The following FCHSD2 variants were observed in gnomAD, a reference collection of about 807,000 sequenced individuals.
FCHSD2 encodes the protein F-BAR and double SH3 domains protein 2.
Under a neutral mutation model 108.1 loss-of-function variants are expected in FCHSD2, and 38 were observed. That is an observed-to-expected ratio of 0.35 (90% CI 0.27 to 0.46). FCHSD2 has a LOEUF of 0.46. FCHSD2 is among the 20% of genes least tolerant of loss of function. FCHSD2 has a pLI of 1.00. For synonymous variants in FCHSD2, 279 were observed against 314.7 expected (o/e 0.89, Z 1.20); for missense variants, 751 against 897.8 (o/e 0.84, Z 2.09).
Position 73,007,234 on chromosome 11 carries a change from C to G in FCHSD2, c.243-6100G>C, listed in dbSNP as rs987901455. Among the ~76,000 whole-genome samples the G allele has an allele frequency of 2.6e-5, 4 of 152,162 alleles. 1 individual carries two copies. Among genetic ancestry groups the G allele is most frequent in the Admixed American group, 2.6e-4 (4 of 15,276 alleles). On this transcript the variant is annotated intron_variant, in intron 4 of 19. Transcript: ENST00000409418. ...ACAAAACCATTCATCCATATACCACCTAAGTTCATGCTGTGAACGATTTCT... is the reference window on the plus strand; with the variant it reads ...ACAAAACCATTCATCCATATACCACGTAAGTTCATGCTGTGAACGATTTCT...
chr11:72,947,767 T>C (rs1441222409), intron 8 of FCHSD2, among the ~76,000 whole-genome samples: 1 of 7,714 alleles, frequency 1.3e-4, no homozygotes, highest in Non-Finnish European at 3.3e-4. Flanking sequence ...ATAAAGAAAA[T>C]TAAATACAGA....
intron 12 of FCHSD2, among the ~76,000 whole-genome samples, chr11:72,879,719 G>C (rs55823053): frequency 6.6e-6 from 1 of 152,078 alleles, no homozygotes; most frequent in Non-Finnish European, 1.5e-5. Context: ...CTGAGACTGA[G>C]ATAAAAAATA....
intron 3 of FCHSD2, among the ~76,000 whole-genome samples, chr11:73,037,272 C>T (rs1201164196): frequency 4.6e-5 from 7 of 152,182 alleles, no homozygotes; most frequent in Non-Finnish European, 1.0e-4. Flanking sequence ...GATGAACCTA[C>T]ACTGACACAT....
Position 72,963,520 on chromosome 11 carries a change from G to A in FCHSD2, c.705+20568C>T, listed in dbSNP as rs753751738. Among the ~76,000 whole-genome samples, 74 of 152,204 alleles carry A rather than the reference G, an allele frequency of 4.9e-4. 1 individual carries two copies. The highest frequency in any genetic ancestry group is 3.8e-4 in the Non-Finnish European group (26 of 68,034). ...ACTTCTCTTCTTTAGCCATTATGCT[G>A]TGTGTGATTAAGAACAAGACTGAAA... On this transcript the variant is annotated intron_variant, in intron 8 of 19. Transcript: ENST00000409418.
intron 13 of FCHSD2, among the ~76,000 whole-genome samples, chr11:72,857,401 T>C: frequency 6.6e-6 from 1 of 151,884 alleles, no homozygotes; most frequent in Non-Finnish European, 1.5e-5. Flanking sequence ...ATACTAACGT[T>C]TACCCTTTCT....
rs371674049 is a variant in FCHSD2 at position 72,843,269 on chromosome 11, G to A, written c.1587C>T (p.Thr529=). 6.2e-7 allele frequency: 1 copy of A among 1,614,016 alleles called. No homozygotes were observed. Among genetic ancestry groups the A allele is most frequent in the Non-Finnish European group, 8.5e-7 (1 of 1,179,888 alleles). The part of the protein sequence containing the change: ...YVPEKYLQFP[T]SNSLLSMLQS... ...GCAGCATGCTCAGGAGGCTGTTCGAGGTGGGAAACTGTAGGTACTTTTCTG... is the reference window on the plus strand; with the variant it reads ...GCAGCATGCTCAGGAGGCTGTTCGAAGTGGGAAACTGTAGGTACTTTTCTG... The change falls in exon 16 of 20, where the codon ACC becomes ACT. Residue 529 remains threonine (T), a synonymous_variant. Transcript: ENST00000409418.
chr11:72,869,293 T>C (rs1854799335), intron 12 of FCHSD2, among the ~76,000 whole-genome samples: 1 of 152,184 alleles, frequency 6.6e-6, no homozygotes, highest in Non-Finnish European at 1.5e-5. Context: ...AATTAAGTTC[T>C]TCCTAATCGA....
intron 3 of FCHSD2, among the ~76,000 whole-genome samples, chr11:73,043,463 T>C (rs1369866841): frequency 1.3e-5 from 2 of 152,228 alleles, no homozygotes; most frequent in Non-Finnish European, 2.9e-5. Context: ...CACCAACTAT[T>C]TGTGTAATTA....
At chr11:72,971,097 C>T (rs996903569) in intron 8 of FCHSD2, among the ~76,000 whole-genome samples, 3 of 152,138 alleles carry the variant, frequency 2.0e-5, no homozygotes, top group Admixed American at 1.3e-4. Flanking sequence ...TGAAGGCAAA[C>T]TAAATGCTGT....
At chr11:72,874,211 C>T (rs778062374) in intron 12 of FCHSD2, among the ~76,000 whole-genome samples, 3 of 152,190 alleles carry the variant, frequency 2.0e-5, no homozygotes, top group Non-Finnish European at 4.4e-5. Flanking sequence ...TTTTAAGAGA[C>T]AGGGTCTCAC....
At chr11:73,080,353 T>C (rs1369656966) in intron 3 of FCHSD2, among the ~76,000 whole-genome samples, 2 of 151,328 alleles carry the variant, frequency 1.3e-5, no homozygotes, top group African/African-American at 4.9e-5. Context: ...AAGGGTAAAT[T>C]TGACTTTAAC....
chr11:73,059,834 T>C (rs977511096), intron 3 of FCHSD2, among the ~76,000 whole-genome samples: 1 of 152,090 alleles, frequency 6.6e-6, no homozygotes, highest in East Asian at 1.9e-4. Context: ...CAGACAACAG[T>C]TTTAGCATAC....
intron 3 of FCHSD2, among the ~76,000 whole-genome samples, chr11:73,036,712 G>A (rs1050286224): frequency 6.6e-5 from 10 of 152,194 alleles, no homozygotes; most frequent in Middle Eastern, 3.4e-3. Context: ...TTATTCATCC[G>A]TGTAACAAAG....
Position 72,985,062 on chromosome 11 carries a change from C to G in FCHSD2, c.576G>C (p.Lys192Asn). 1 of 1,226,010 alleles carries G rather than the reference C, an allele frequency of 8.2e-7. No individual in the cohort carries two copies. The highest frequency in any genetic ancestry group is 1.2e-6 in the Non-Finnish European group (1 of 853,884). The allele number at this position is 1,226,010 out of a possible 1,614,324, so 75.9% of individuals were successfully genotyped here. Reference sequence around the variant, plus strand: ...TGAAATACACTTATTGAAAACTTACCTTTACACTTGCCTTCTGTAAACTGA... The same window carrying G: ...TGAAATACACTTATTGAAAACTTACGTTTACACTTGCCTTCTGTAAACTGA... ...SRISLQKASVKLKARRSECNS... is the reference protein window; with the variant it reads ...SRISLQKASVNLKARRSECNS... The change falls in exon 7 of 20, where the codon AAG becomes AAC. Residue 192 changes from lysine to asparagine, a missense_variant and splice_region_variant. Lys to Asn is a moderately conservative substitution (Grantham distance 94). Coordinates refer to ENST00000409418, the MANE Select transcript of FCHSD2 (RefSeq NM_014824.3).
intron 13 of FCHSD2, among the ~76,000 whole-genome samples, chr11:72,851,903 G>T (rs575697957): frequency 7.9e-5 from 11 of 139,920 alleles, no homozygotes; most frequent in East Asian, 4.6e-4. Flanking sequence ...TTGAGATAGG[G>T]TCTTGCTCTG....
In FCHSD2 at chr11:72,907,598, G is replaced by GGT. The variant is rs1555052073; in HGVS notation, c.829-4962_829-4961dup. 1.9e-3 allele frequency among the ~76,000 whole-genome samples: 137 copies of GGT among 72,714 alleles called. 1 individual carries two copies. The East Asian group carries it at 0.047, about 25-fold the overall frequency. 47.7% of individuals were successfully genotyped at this position (72,714 alleles called of 152,430 possible). A position where few individuals can be genotyped will look rare whatever the true frequency, so the allele number is the denominator to read the frequency against. ...CTGCATCTATTGAGATAATCACGTGGGTTTTTTTTTTTTTTTTTTTTCTTG... is the reference window on the plus strand; with the variant it reads ...CTGCATCTATTGAGATAATCACGTGGGTGTTTTTTTTTTTTTTTTTTTTCTTG... On this transcript the variant is annotated intron_variant, in intron 9 of 19. Coordinates refer to ENST00000409418, the MANE Select transcript of FCHSD2 (RefSeq NM_014824.3).
intron 14 of FCHSD2, among the ~76,000 whole-genome samples, chr11:72,848,780 C>T (rs1421014408): frequency 6.6e-6 from 1 of 152,140 alleles, no homozygotes; most frequent in Non-Finnish European, 1.5e-5. Flanking sequence ...ATTTAAGGAA[C>T]TTAAATTTTA....
intron 2 of FCHSD2, among the ~76,000 whole-genome samples, chr11:73,114,774 G>C (rs1429944461): frequency 6.6e-6 from 1 of 152,046 alleles, no homozygotes; most frequent in East Asian, 1.9e-4. Flanking sequence ...ATCCTCCAGT[G>C]GTTGAGCTGG....
chr11:73,023,372 G>A (rs1338739522), intron 3 of FCHSD2, among the ~76,000 whole-genome samples: 1 of 152,052 alleles, frequency 6.6e-6, no homozygotes, highest in African/African-American at 2.4e-5. Flanking sequence ...TTTAAAATGG[G>A]CAAAGGATCT....
Sources: allele counts gnomAD v4.1 joint callset (sites outside exome capture counted in the v4.1 genomes callset), GRCh38; gene constraint gnomAD v4.1.1; transcripts MANE v1.5; gene names NCBI Gene and HGNC (gene_info 2026-07-23, HGNC 2026-07-21).